The following MME variants were observed in gnomAD, a reference collection of about 807,000 sequenced individuals.
The protein encoded by MME is membrane metalloendopeptidase.
Under a neutral mutation model 113.2 loss-of-function variants are expected in MME, and 98 were observed. The observed-to-expected ratio is 0.87, with a 90% CI of 0.74 to 1.02. The LOEUF is 1.02. Ranked by LOEUF, MME falls within the 50% of genes least tolerant of loss-of-function variation. MME has a pLI of 0.00. For synonymous variants in MME, 292 were observed against 300.6 expected (o/e 0.97, Z 0.30); for missense variants, 836 against 896.0 (o/e 0.93, Z 0.86).
chr3:155,046,563 A>ATG (rs1470386161), intron 1 of MME, among the ~76,000 whole-genome samples: 1 of 152,078 alleles, frequency 6.6e-6, no homozygotes, highest in East Asian at 1.9e-4. Flanking sequence ...GGTGGTGGGC[A>ATG]CCTGTAATCC....
chr3:155,150,505 T>G (rs1483802143), intron 16 of MME, among the ~76,000 whole-genome samples: 1 of 152,172 alleles, frequency 6.6e-6, no homozygotes, highest in African/African-American at 2.4e-5. Context: ...TAAGGTCTTC[T>G]CTGCTATATG....
upstream of MME, chr3:155,079,624 A>AGGGGGGGGGGGGGGGGGG (rs1559902583): frequency 1.0e-3 from 2 of 1,908 alleles, no homozygotes; most frequent in African/African-American, 4.8e-3. Context: ...GAGGCGGGGT[A>AGGGGGGGGGGGGGGGGGG]GGGGGTGGGG....
At chr3:155,095,149 CAA>C (rs1716631499) in intron 3 of MME, among the ~76,000 whole-genome samples, 1 of 152,176 alleles carries the variant, frequency 6.6e-6, no homozygotes, top group Admixed American at 6.5e-5. Flanking sequence ...CCTGGGCACA[CAA>C]AGTTTCCATT....
At chr3:155,057,248 A>G (rs1355239494) in intron 1 of MME, among the ~76,000 whole-genome samples, 2 of 152,214 alleles carry the variant, frequency 1.3e-5, no homozygotes. Flanking sequence ...ACAAATTTAC[A>G]AGAAAAAAAC....
chr3:155,126,530 T>C (rs1284847815), intron 8 of MME, among the ~76,000 whole-genome samples: 3 of 152,162 alleles, frequency 2.0e-5, no homozygotes, highest in Non-Finnish European at 4.4e-5. Context: ...AGCATTTTTG[T>C]TTAACCTGTA....
chr3:155,117,186 C>T (rs890874106), intron 7 of MME, among the ~76,000 whole-genome samples, 200 bp downstream of exon 7: 1 of 152,184 alleles, frequency 6.6e-6, no homozygotes, highest in Non-Finnish European at 1.5e-5. Flanking sequence ...TCGACATTCA[C>T]CCCTTGCTTC....
At chr3:155,055,210 T>C (rs1160491523) in intron 1 of MME, among the ~76,000 whole-genome samples, 1 of 152,194 alleles carries the variant, frequency 6.6e-6, no homozygotes, top group Non-Finnish European at 1.5e-5. Context: ...CACAATGGAA[T>C]ACATACAGTA....
At chr3:155,105,865 G>A (rs1717640694) in intron 3 of MME, among the ~76,000 whole-genome samples, 1 of 152,108 alleles carries the variant, frequency 6.6e-6, no homozygotes, top group South Asian at 2.1e-4. Flanking sequence ...TTACATTTAA[G>A]CGTCTTTGGC....
intron 3 of MME, among the ~76,000 whole-genome samples, chr3:155,106,671 G>A (rs58476391): frequency 6.6e-6 from 1 of 152,280 alleles, no homozygotes; most frequent in Non-Finnish European, 1.5e-5. Context: ...GGGATGGTGG[G>A]AGGAGGGTGG....
intron 1 of MME, among the ~76,000 whole-genome samples, chr3:155,024,638 C>T (rs1318620325): frequency 6.6e-6 from 1 of 152,134 alleles, no homozygotes; most frequent in Non-Finnish European, 1.5e-5. Flanking sequence ...TATATTATAA[C>T]TGATATTATC....
upstream of MME, among the ~76,000 whole-genome samples, chr3:155,078,665 G>GTT: frequency 6.6e-6 from 1 of 150,590 alleles, no homozygotes; most frequent in East Asian, 2.0e-4. Flanking sequence ...GTGTATGTGT[G>GTT]TGTGTGTGTG....
chr3:155,128,110 A>G (rs1185465529), intron 8 of MME, among the ~76,000 whole-genome samples: 3 of 152,214 alleles, frequency 2.0e-5, no homozygotes, highest in Admixed American at 6.5e-5. Context: ...GCTGTAAGCA[A>G]TCTCCTTTCA....
chr3:155,122,858 TA>T (rs1414320015), intron 8 of MME, among the ~76,000 whole-genome samples: 1 of 17,024 alleles, frequency 5.9e-5, no homozygotes, highest in African/African-American at 2.2e-4. Flanking sequence ...AATTTTGGAA[TA>T]GGTGTGGTGT....
chr3:155,163,404 C>T (rs376986432), intron 17 of MME, among the ~76,000 whole-genome samples: 1 of 152,304 alleles, frequency 6.6e-6, no homozygotes, highest in East Asian at 1.9e-4. Flanking sequence ...TCCTACTCTT[C>T]ATATCAACAA....
chr3:155,109,844 A>G (rs1236757058), intron 3 of MME, among the ~76,000 whole-genome samples: 2 of 152,188 alleles, frequency 1.3e-5, no homozygotes, highest in African/African-American at 4.8e-5. Flanking sequence ...TTCACACTCC[A>G]TTTTCCAATG....
intron 4 of MME, among the ~76,000 whole-genome samples, chr3:155,115,931 C>T (rs957266156): frequency 1.3e-5 from 2 of 152,152 alleles, no homozygotes; most frequent in African/African-American, 4.8e-5. Flanking sequence ...TCCCTCCTAT[C>T]CTTTGTTCTC....
chr3:155,073,733 CT>C (rs959827287), intron 1 of MME, among the ~76,000 whole-genome samples: 7 of 150,042 alleles, frequency 4.7e-5, no homozygotes, highest in East Asian at 1.9e-4. Context: ...CTTTTCTTGC[CT>C]TTTTTTTTAC....
intron 12 of MME, among the ~76,000 whole-genome samples, chr3:155,142,943 T>A (rs1345981668): frequency 1.3e-5 from 2 of 152,164 alleles, no homozygotes; most frequent in South Asian, 4.1e-4. Context: ...AAAGAAAATG[T>A]AGACATCTTT....
chr3:155,149,565 T>G (rs1011593837), intron 16 of MME, among the ~76,000 whole-genome samples: 1 of 152,116 alleles, frequency 6.6e-6, no homozygotes, highest in Non-Finnish European at 1.5e-5. Flanking sequence ...CAGGTGTCAT[T>G]GGGTACTGGG....
Sources: allele counts gnomAD v4.1 joint callset (sites outside exome capture counted in the v4.1 genomes callset), GRCh38; gene constraint gnomAD v4.1.1; transcripts MANE v1.5; gene names NCBI Gene and HGNC (gene_info 2026-07-23, HGNC 2026-07-21).